Variants in PLA2R1 observed in about 807,000 individuals in gnomAD.
PLA2R1 encodes secretory phospholipase A2 receptor.
In PLA2R1, 158 loss-of-function variants were observed where a neutral mutation model predicts 195.9. The ratio of observed to expected loss-of-function variants is 0.81; its 90% CI spans 0.71 to 0.92. PLA2R1 has a LOEUF of 0.92. PLA2R1 is among the 40% of genes least tolerant of loss of function. The pLI is 0.00. For synonymous variants in PLA2R1, 586 were observed against 598.2 expected (o/e 0.98, Z 0.30); for missense variants, 1,626 against 1,764.6 (o/e 0.92, Z 1.41).
chr2:159,977,095 T>A (rs1477757611), intron 15 of PLA2R1, among the ~76,000 whole-genome samples, 189 bp downstream of exon 15: 1 of 152,254 alleles, frequency 6.6e-6, no homozygotes, highest in Non-Finnish European at 1.5e-5. Flanking sequence ...TAGTTCCCAA[T>A]GAACTAACTT....
intron 1 of PLA2R1, among the ~76,000 whole-genome samples, chr2:160,048,241 G>T (rs1424137948): frequency 6.6e-6 from 1 of 152,208 alleles, no homozygotes; most frequent in East Asian, 1.9e-4. Context: ...TTCCAAAGCA[G>T]AACATATTAG....
chr2:159,966,556 T>TA (rs1331545007), intron 20 of PLA2R1, among the ~76,000 whole-genome samples: 2 of 152,144 alleles, frequency 1.3e-5, no homozygotes, highest in Non-Finnish European at 2.9e-5. Flanking sequence ...TACCAGATAT[T>TA]AAAAAAATTT....
chr2:159,998,387 A>ATTT (rs1272418148), intron 11 of PLA2R1, among the ~76,000 whole-genome samples: 1 of 152,170 alleles, frequency 6.6e-6, no homozygotes, highest in African/African-American at 2.4e-5. Flanking sequence ...ATATGAAGAG[A>ATTT]TTAAATAACT....
chr2:160,016,615 T>C lies in PLA2R1; in HGVS notation c.1550A>G (p.Glu517Gly). ...AATTGCAATGTTAACAGCACTTACC[T>C]CTTGACATCCTGATTCAGCATCAGA... ...VLSDAESGCQ[E>G]GWERHGGFCY... Residue 517 changes from glutamate to glycine, a missense_variant and splice_region_variant, in exon 9 of 30, where the codon GAG becomes GGG. By Grantham distance (98) the Glu-to-Gly change is moderately conservative. Transcript: ENST00000283243. 1.3e-6 allele frequency: 2 copies of C among 1,539,886 alleles called. No individual in the cohort carries two copies. The highest frequency in any genetic ancestry group is 1.8e-6 in the Non-Finnish European group (2 of 1,112,384).
chr2:159,929,411 C>T (rs1686541396), downstream of PLA2R1, among the ~76,000 whole-genome samples: 1 of 152,170 alleles, frequency 6.6e-6, no homozygotes, highest in Non-Finnish European at 1.5e-5. Flanking sequence ...CTCGACATCA[C>T]TGATGATCAG....
intron 11 of PLA2R1, among the ~76,000 whole-genome samples, chr2:159,997,937 T>C (rs745951752): frequency 5.9e-5 from 9 of 152,158 alleles, no homozygotes; most frequent in Non-Finnish European, 1.3e-4. Flanking sequence ...AAACCATGTA[T>C]TTAACAGAGA....
At chr2:159,944,414 T>A (rs1042373274) in intron 28 of PLA2R1, among the ~76,000 whole-genome samples, 6 of 152,214 alleles carry the variant, frequency 3.9e-5, no homozygotes, top group Admixed American at 1.3e-4. Context: ...TTGTTTTTTT[T>A]AATTACTAAA....
Position 159,955,247 on chromosome 2 carries a change from CA to C in PLA2R1, c.3252del (p.Phe1084LeufsTer24). ...CCATAGCCTTCCTTTCCACAGTCTT[CA>C]AAATACCATTTTCCAGTGAAATGAA... ...PNFHFTGKWY[F>X]EDCGKEGYGF... On this transcript the variant is annotated frameshift_variant, in exon 23 of 30. Coordinates refer to ENST00000283243, the MANE Select transcript of PLA2R1 (RefSeq NM_007366.5). LOFTEE classifies it high-confidence loss of function. 6.2e-7 allele frequency: 1 copy of C among 1,611,778 alleles called. No homozygotes were observed. Among genetic ancestry groups the C allele is most frequent in the Non-Finnish European group, 8.5e-7 (1 of 1,178,408 alleles).
At position 160,053,577 on chromosome 2, in the gene PLA2R1, A is replaced by G. The variant is rs570684686; in HGVS notation, c.110-8420T>C. On this transcript the variant is annotated intron_variant, in intron 1 of 29. Coordinates refer to ENST00000283243, the MANE Select transcript of PLA2R1 (RefSeq NM_007366.5). ...GAGGATATGTGAGAGGTTCCCACTC[A>G]GCCCTCGCAGAACCCACAGAAGTGA... 2.1e-4 allele frequency among the ~76,000 whole-genome samples: 32 copies of G among 152,356 alleles called. 1 individual carries two copies. The highest frequency in any genetic ancestry group is 7.7e-4 in the African/African-American group (32 of 41,578).
chr2:159,928,583 A>G (rs1487489351), downstream of PLA2R1, among the ~76,000 whole-genome samples: 3 of 152,214 alleles, frequency 2.0e-5, no homozygotes, highest in African/African-American at 7.2e-5. Context: ...CCATACTGCC[A>G]AAAGCAATCT....
intron 11 of PLA2R1, 141 bp downstream of exon 11, chr2:160,005,509 CCT>C (rs1392849474): frequency 2.6e-5 from 15 of 577,164 alleles, no homozygotes; most frequent in African/African-American, 5.7e-5. Context: ...TATGTCACCC[CCT>C]GTTAACCTGT....
In PLA2R1 at chr2:159,984,880, C is replaced by T. The variant is rs1248063666; in HGVS notation, c.2038-807G>A. On this transcript the variant is annotated intron_variant, in intron 12 of 29. Coordinates refer to ENST00000283243, the MANE Select transcript of PLA2R1 (RefSeq NM_007366.5). ...GGTACACCCTGTGGCCAGCCCTCAC[C>T]AGGCTCTTACTTGCTGAGACCAGAA... is the stretch of plus-strand genomic sequence containing the variant. Among the ~76,000 whole-genome samples, 5 of 152,330 alleles carry T rather than the reference C, an allele frequency of 3.3e-5. No individual in the cohort carries two copies. In the East Asian group the frequency reaches 9.6e-4, roughly 29 times the overall value.
At chr2:159,948,407 T>C (rs1687522284) in intron 25 of PLA2R1, among the ~76,000 whole-genome samples, 1 of 140,754 alleles carries the variant, frequency 7.1e-6, no homozygotes, top group South Asian at 2.2e-4. Context: ...GATAATTGAA[T>C]TTTTTTTTTT....
At position 160,020,193 on chromosome 2, in the gene PLA2R1, G is replaced by A. The variant is rs200663101; in HGVS notation, c.1365C>T (p.Asp455=). The A allele has an allele frequency of 3.1e-6, 5 of 1,611,388 alleles. No homozygotes were observed. Among genetic ancestry groups the A allele is most frequent in the Admixed American group, 1.7e-5 (1 of 60,004 alleles). The change falls in exon 8 of 30, where the codon GAC becomes GAT. Residue 455 remains aspartate, a synonymous_variant. Transcript: ENST00000283243. ...GCCAATTAGTAAAGATGACTGAAGAGTCATTAGACCATTCAAAGGAAACTG... is the reference window on the plus strand; with the variant it reads ...GCCAATTAGTAAAGATGACTGAAGAATCATTAGACCATTCAAAGGAAACTG... The part of the protein sequence containing the change: ...KIPVSFEWSN[D]SSVIFTNWHT...
intron 17 of PLA2R1, among the ~76,000 whole-genome samples, chr2:159,973,375 A>C (rs1689316461): frequency 6.7e-6 from 1 of 149,508 alleles, no homozygotes; most frequent in South Asian, 2.1e-4. Context: ...CTACAGACTA[A>C]ATGTTTGTGT....
downstream of PLA2R1, among the ~76,000 whole-genome samples, chr2:159,931,839 C>T (rs183528682): frequency 5.3e-5 from 8 of 152,304 alleles, no homozygotes; most frequent in East Asian, 1.5e-3. Context: ...ATTGTCCCTA[C>T]ACCAAAAGAT....
chr2:160,061,183 G>A (rs1316234830), intron 1 of PLA2R1, among the ~76,000 whole-genome samples: 1 of 152,172 alleles, frequency 6.6e-6, no homozygotes, highest in East Asian at 1.9e-4. Context: ...GAGGCTGTCT[G>A]GAGGCTCCTC....
At chr2:160,003,235 A>C (rs1691726502) in intron 11 of PLA2R1, among the ~76,000 whole-genome samples, 1 of 152,016 alleles carries the variant, frequency 6.6e-6, no homozygotes. Flanking sequence ...CCAAACTATA[A>C]AAATATAAGG....
At position 159,945,081 on chromosome 2, in the gene PLA2R1, A is replaced by G; in HGVS notation, c.3969T>C (p.Asn1323=). ...VWLNAQFDGN[N]ETIKWFDGTP... ...TTCCATCAAACCACTTTATGGTTTC[A>G]TCTGTGAGAAAATTGCTGACTCATT... Residue 1323 remains asparagine (N), a splice_region_variant and synonymous_variant, in exon 28 of 30, where the codon AAT becomes AAC. Coordinates refer to ENST00000283243, the MANE Select transcript of PLA2R1 (RefSeq NM_007366.5). 3.7e-6 allele frequency: 6 copies of G among 1,603,768 alleles called. No individual in the cohort carries two copies. Among genetic ancestry groups the G allele is most frequent in the Non-Finnish European group, 5.1e-6 (6 of 1,173,690 alleles).
Sources: gnomAD v4.1 joint callset for allele counts (sites outside exome capture counted in the v4.1 genomes callset) on GRCh38, gnomAD v4.1.1 for gene constraint, MANE v1.5 for transcripts, NCBI Gene and HGNC (gene_info 2026-07-23, HGNC 2026-07-21) for gene names.